ASAP1: variants seen among roughly 807,000 people sequenced by gnomAD.
ASAP1 encodes the protein arf-GAP with SH3 domain, ANK repeat and PH domain-containing protein 1.
In ASAP1, 43 loss-of-function variants were observed where a neutral mutation model predicts 145.2. The observed-to-expected ratio is 0.30, with a 90% confidence interval of 0.23 to 0.38. The LOEUF is 0.38. ASAP1 is among the 10% of genes least tolerant of loss of function. The pLI is 1.00. For synonymous variants in ASAP1, 546 were observed against 515.5 expected, an observed-to-expected ratio of 1.06 and a Z score of -0.80; for missense variants, 1,018 against 1,355.3, an observed-to-expected ratio of 0.75 and a Z score of 3.91.
At chr8:130,180,148 A>C (rs572355376) in intron 8 of ASAP1, among the ~76,000 whole-genome samples, 16 of 152,050 alleles carry the variant, frequency 1.1e-4, no homozygotes, top group Non-Finnish European at 2.1e-4. Context: ...AGGAGAAAAA[A>C]ATCTAGGGAA....
intron 1 of ASAP1, among the ~76,000 whole-genome samples, chr8:130,407,261 C>G (rs539693210): frequency 6.6e-6 from 1 of 152,144 alleles, no homozygotes; most frequent in Non-Finnish European, 1.5e-5. Flanking sequence ...CACTAAGGGA[C>G]CTTCTGAGAG....
intron 10 of ASAP1, among the ~76,000 whole-genome samples, chr8:130,167,883 A>G (rs904959722): frequency 2.6e-5 from 4 of 152,234 alleles, no homozygotes; most frequent in Admixed American, 6.5e-5. Context: ...GTACTATTCT[A>G]AACAGCTTAT....
At chr8:130,209,996 A>C (rs563330710) in intron 5 of ASAP1, among the ~76,000 whole-genome samples, 2 of 152,334 alleles carry the variant, frequency 1.3e-5, no homozygotes, top group South Asian at 4.1e-4. Context: ...GACAGTTTCC[A>C]AATAATGTTC....
intron 20 of ASAP1, 113 bp downstream of exon 20, chr8:130,118,048 A>T: frequency 2.5e-6 from 2 of 804,412 alleles, no homozygotes; most frequent in South Asian, 1.9e-5. Flanking sequence ...TTTTATATCT[A>T]GCATGACACA....
At chr8:130,138,002 C>T (rs1353902385) in intron 13 of ASAP1, among the ~76,000 whole-genome samples, 1 of 152,198 alleles carries the variant, frequency 6.6e-6, no homozygotes, top group Non-Finnish European at 1.5e-5. Context: ...TTAATTGGAC[C>T]TATATCCCTG....
At chr8:130,307,959 C>G (rs1823096557) in intron 3 of ASAP1, among the ~76,000 whole-genome samples, 1 of 152,222 alleles carries the variant, frequency 6.6e-6, no homozygotes, top group Admixed American at 6.5e-5. Context: ...CCTCAGCAAG[C>G]AGCTTCCTTC....
At chr8:130,070,785 G>A (rs1480796146) in intron 27 of ASAP1, among the ~76,000 whole-genome samples, 1 of 139,012 alleles carries the variant, frequency 7.2e-6, no homozygotes, top group East Asian at 2.1e-4. Flanking sequence ...TGCTACCTGA[G>A]GAACTCAAGG....
intron 24 of ASAP1, among the ~76,000 whole-genome samples, chr8:130,106,788 C>T (rs927004047): frequency 6.6e-6 from 1 of 152,222 alleles, no homozygotes; most frequent in African/African-American, 2.4e-5. Flanking sequence ...CTTCCCTAAT[C>T]CTCTCTCTGA....
chr8:130,146,990 C>T (rs936463307), intron 13 of ASAP1, among the ~76,000 whole-genome samples: 1 of 151,952 alleles, frequency 6.6e-6, no homozygotes, highest in African/African-American at 2.4e-5. Context: ...CTTTGGGAAG[C>T]CGAGGTGGGT....
intron 3 of ASAP1, among the ~76,000 whole-genome samples, chr8:130,268,153 A>G (rs1820368328): frequency 6.6e-6 from 1 of 152,102 alleles, no homozygotes; most frequent in Non-Finnish European, 1.5e-5. Context: ...AAATTAAGGA[A>G]CATCTCTATA....
intron 2 of ASAP1, among the ~76,000 whole-genome samples, chr8:130,380,880 G>T (rs964815715): frequency 1.3e-5 from 2 of 151,882 alleles, no homozygotes; most frequent in African/African-American, 4.8e-5. Context: ...ACTACACCTG[G>T]CTACTTTATT....
rs1283932388 is a variant in ASAP1, at chr8:130,358,912, G to A, written c.60-769C>T. 1.3e-5 allele frequency among the ~76,000 whole-genome samples: 2 copies of A among 152,050 alleles called. No homozygotes were observed. The highest frequency in any genetic ancestry group is 1.5e-5 in the Non-Finnish European group (1 of 67,984). ...TTGCGCGAGCGTTTTGCAAGAAGGG[G>A]GCCCAAAAAAGTTGTACGTGTTCTT... On this transcript the variant is annotated intron_variant, in intron 2 of 29. Coordinates refer to ENST00000518721, the MANE Select transcript of ASAP1 (RefSeq NM_018482.4). The surrounding 1 kb of genome is among the most constrained non-coding windows in gnomAD (Gnocchi z 4.1).
intron 4 of ASAP1, among the ~76,000 whole-genome samples, chr8:130,227,839 TA>T (rs1273115717): frequency 2.0e-5 from 3 of 152,244 alleles, no homozygotes; most frequent in Admixed American, 2.0e-4. Context: ...TGAGGCTTAC[TA>T]AGGGGTCTAT....
At chr8:130,154,418 G>C (rs1273581442) in intron 12 of ASAP1, among the ~76,000 whole-genome samples, 1 of 152,128 alleles carries the variant, frequency 6.6e-6, no homozygotes, top group African/African-American at 2.4e-5. Context: ...ATGTGTGGTA[G>C]ATCTGCGTGT....
intron 4 of ASAP1, among the ~76,000 whole-genome samples, chr8:130,218,749 G>A (rs1817091175): frequency 6.6e-6 from 1 of 152,120 alleles, no homozygotes; most frequent in Non-Finnish European, 1.5e-5. Context: ...AACATGAAAT[G>A]TGACGTGAGT....
chr8:130,327,724 A>G (rs753532320), intron 3 of ASAP1, among the ~76,000 whole-genome samples: 1 of 152,228 alleles, frequency 6.6e-6, no homozygotes, highest in Admixed American at 6.5e-5. Context: ...ATCCACAGAA[A>G]CAGAAAGTAG....
At chr8:130,237,155 G>C (rs895116397) in intron 3 of ASAP1, among the ~76,000 whole-genome samples, 161 bp from the exon 4 acceptor site, 2 of 152,084 alleles carry the variant, frequency 1.3e-5, no homozygotes, top group African/African-American at 4.8e-5. Context: ...GAAGTCCCTG[G>C]GATCTGAGTA....
At chr8:130,067,146 T>A (rs1317951143) in intron 27 of ASAP1, among the ~76,000 whole-genome samples, 6 of 152,224 alleles carry the variant, frequency 3.9e-5, no homozygotes. Flanking sequence ...AAGGCCCTTT[T>A]CTGTCTGGTG....
intron 3 of ASAP1, among the ~76,000 whole-genome samples, chr8:130,323,835 C>A (rs1169203512): frequency 1.3e-5 from 2 of 152,144 alleles, no homozygotes; most frequent in African/African-American, 4.8e-5. Context: ...TTGAGGGCAT[C>A]TTTTTATCCT....
Sources: allele counts gnomAD v4.1 joint callset (sites outside exome capture counted in the v4.1 genomes callset), GRCh38; gene constraint gnomAD v4.1.1; non-coding constraint Gnocchi (gnomAD v3.1); transcripts MANE v1.5; gene names NCBI Gene and HGNC (gene_info 2026-07-23, HGNC 2026-07-21).